Variants in UGT2B10 observed in about 807,000 individuals in gnomAD.
The protein encoded by UGT2B10 is UDP-glucuronosyltransferase 2B10.
In UGT2B10, 51 loss-of-function variants were observed where a neutral mutation model predicts 43.7. The observed-to-expected ratio is 1.17, with a 90% CI of 0.93 to 1.47. UGT2B10 has a LOEUF of 1.47. Ranked by LOEUF, UGT2B10 falls within the 40% of genes most tolerant of loss-of-function variation. UGT2B10 has a pLI of 0.00. For missense variants in UGT2B10, 696 were observed against 617.7 expected, an observed-to-expected ratio of 1.13 and a Z score of -1.34; for synonymous variants, 225 against 209.0, an observed-to-expected ratio of 1.08 and a Z score of -0.66.
At chr4:68,824,322 T>G (rs1383581909) in intron 3 of UGT2B10, among the ~76,000 whole-genome samples, 1 of 152,100 alleles carries the variant, frequency 6.6e-6, no homozygotes, top group Non-Finnish European at 1.5e-5. Context: ...AAGGAAAAGG[T>G]GCAGATGGAT....
Position 68,818,025 on chromosome 4 carries a change from T to A in UGT2B10, c.719-4T>A, listed in dbSNP as rs766019403. The A allele has an allele frequency of 1.9e-6, 3 of 1,603,214 alleles. No homozygotes were observed. The East Asian group carries it at 6.7e-5, about 36-fold the overall frequency. On this transcript the variant is annotated splice_region_variant and splice_polypyrimidine_tract_variant and intron_variant, in intron 1 of 5. Coordinates refer to ENST00000265403, the MANE Select transcript of UGT2B10 (RefSeq NM_001075.6). ...CCACTTCTTCTTTTCTTTATTCCTA[T>A]CAGGAAGACCCACTACATTATCTGA... is the stretch of plus-strand genomic sequence containing the variant.
intron 2 of UGT2B10, among the ~76,000 whole-genome samples, chr4:68,820,377 T>C (rs1737433474): frequency 6.6e-6 from 1 of 152,120 alleles, no homozygotes; most frequent in Admixed American, 6.6e-5. Flanking sequence ...TGACAAAATG[T>C]ATCAGGTGTT....
intron 1 of UGT2B10, among the ~76,000 whole-genome samples, chr4:68,817,155 A>G (rs887386862): frequency 6.6e-6 from 1 of 151,782 alleles, no homozygotes; most frequent in Admixed American, 6.6e-5. Flanking sequence ...TCTAAATCTC[A>G]GTTGTCTTAT....
At chr4:68,826,727 C>T (rs1398165118) in intron 4 of UGT2B10, among the ~76,000 whole-genome samples, 1 of 152,110 alleles carries the variant, frequency 6.6e-6, no homozygotes, top group Non-Finnish European at 1.5e-5. Flanking sequence ...ATTTCAGGTG[C>T]TATTATATCT....
chr4:68,817,484 T>C (rs1298038371), intron 1 of UGT2B10, among the ~76,000 whole-genome samples: 1 of 151,784 alleles, frequency 6.6e-6, no homozygotes, highest in African/African-American at 2.4e-5. Flanking sequence ...ATATTTTTAC[T>C]TAATATTATT....
intron 2 of UGT2B10, 62 bp downstream of exon 2, chr4:68,818,239 A>G: frequency 1.3e-6 from 2 of 1,588,884 alleles, no homozygotes; most frequent in Non-Finnish European, 1.7e-6. Flanking sequence ...ATGACTGTAT[A>G]GTCTTCATTC....
chr4:68,824,717 A>G (rs1356280579), intron 3 of UGT2B10, among the ~76,000 whole-genome samples: 1 of 152,200 alleles, frequency 6.6e-6, no homozygotes, highest in East Asian at 1.9e-4. Flanking sequence ...TTTCAAAATT[A>G]GTAACAACAT....
At position 68,830,976 on chromosome 4, in the gene UGT2B10, T is replaced by C. The variant is rs1377003586; in HGVS notation, c.*97T>C. 8.1e-6 allele frequency: 12 copies of C among 1,475,978 alleles called. No homozygotes were observed. Among genetic ancestry groups the C allele is most frequent in the African/African-American group, 4.3e-5 (3 of 70,430 alleles). The allele number at this position is 1,475,978 out of a possible 1,614,324, so 91.4% of individuals were successfully genotyped here. ...GTGATGCAAGATTTCTTTCTTCCTG[T>C]GACAAAAAAAAATCCTTTCGAAGTC... On this transcript the variant is annotated 3_prime_UTR_variant, in exon 6 of 6. Coordinates refer to ENST00000265403, the MANE Select transcript of UGT2B10 (RefSeq NM_001075.6).
In UGT2B10 at chr4:68,816,642, A is replaced by T; in HGVS notation, c.623A>T (p.Glu208Val). ...SKLSDQMTFM[E>V]RVKNMLYVLY... is the part of the protein sequence containing the mutation. The stretch of plus-strand genomic sequence containing the variant: ...TTAAGTGATCAAATGACTTTCATGG[A>T]GAGGGTAAAAAATATGCTCTATGTG... Residue 208 changes from glutamate (E) to valine (V), a missense_variant, in exon 1 of 6, where the codon GAG becomes GTG. Coordinates refer to ENST00000265403, the MANE Select transcript of UGT2B10 (RefSeq NM_001075.6). 6.2e-7 allele frequency: 1 copy of T among 1,612,816 alleles called. No individual in the cohort carries two copies. The highest frequency in any genetic ancestry group is 2.2e-5 in the East Asian group (1 of 44,780).
rs532079367 is a variant in UGT2B10, at chr4:68,818,829, C to T, written c.867+652C>T. 5.3e-5 allele frequency among the ~76,000 whole-genome samples: 8 copies of T among 151,626 alleles called. No homozygotes were observed. The South Asian group carries it at 6.2e-4, about 12-fold the overall frequency. Reference sequence around the variant, plus strand: ...CAGGGAATGATTAAGAATCAGATGACCCTAAAAGGTAAATTAGAGCCAGAT... The same window carrying T: ...CAGGGAATGATTAAGAATCAGATGATCCTAAAAGGTAAATTAGAGCCAGAT... On this transcript the variant is annotated intron_variant, in intron 2 of 5. Coordinates refer to ENST00000265403, the MANE Select transcript of UGT2B10 (RefSeq NM_001075.6).
intron 2 of UGT2B10, 100 bp downstream of exon 2, chr4:68,818,277 T>C: frequency 1.3e-6 from 2 of 1,555,390 alleles, no homozygotes; most frequent in Non-Finnish European, 1.7e-6. Context: ...CTGAAAAAGA[T>C]GGGAAGTAGG....
Position 68,819,620 on chromosome 4 carries a change from TATGAC to T in UGT2B10, c.867+1445_867+1449del, listed in dbSNP as rs1364114375. Among the ~76,000 whole-genome samples the T allele has an allele frequency of 2.0e-5, 3 of 151,980 alleles. No homozygotes were observed. The East Asian group carries it at 5.8e-4, about 29-fold the overall frequency. On this transcript the variant is annotated intron_variant, in intron 2 of 5. Transcript: ENST00000265403. ...CTATTAGAGCAGATGATTTCTGCCT[TATGAC>T]AGGCCACTCAATAAAGCTTCCTGGG...
chr4:68,819,195 G>A (rs1560415033), intron 2 of UGT2B10, among the ~76,000 whole-genome samples: 1 of 151,878 alleles, frequency 6.6e-6, no homozygotes, highest in Non-Finnish European at 1.5e-5. Flanking sequence ...ACTCAGAAAT[G>A]TTATTAATTT....
chr4:68,825,265 A>G (rs1188477928), intron 3 of UGT2B10, among the ~76,000 whole-genome samples: 6 of 151,628 alleles, frequency 4.0e-5, no homozygotes, highest in Non-Finnish European at 7.4e-5. Flanking sequence ...TTATACCAGA[A>G]TTACAATGAC....
intron 2 of UGT2B10, among the ~76,000 whole-genome samples, chr4:68,819,650 G>A (rs1201619432): frequency 6.6e-6 from 1 of 151,830 alleles, no homozygotes; most frequent in African/African-American, 2.4e-5. Flanking sequence ...AGCTTCCTGG[G>A]GGAACTCGTC....
intron 5 of UGT2B10, among the ~76,000 whole-genome samples, chr4:68,830,303 A>T (rs1219384857): frequency 1.3e-5 from 2 of 151,998 alleles, no homozygotes; most frequent in Non-Finnish European, 2.9e-5. Flanking sequence ...GGACCCACAA[A>T]AACTTAAAAT....
chr4:68,826,642 A>G, intron 4 of UGT2B10, 145 bp downstream of exon 4: 1 of 1,040,734 alleles, frequency 9.6e-7, no homozygotes, highest in Non-Finnish European at 1.3e-6. Flanking sequence ...CCTAGGGGAA[A>G]AGAATATGTT....
intron 3 of UGT2B10, among the ~76,000 whole-genome samples, chr4:68,825,053 G>A (rs1256234546): frequency 6.6e-6 from 1 of 151,930 alleles, no homozygotes; most frequent in Non-Finnish European, 1.5e-5. Context: ...TCTTGTAGTA[G>A]CTTATTTTAT....
At chr4:68,817,381 A>C (rs1289541854) in intron 1 of UGT2B10, among the ~76,000 whole-genome samples, 1 of 151,834 alleles carries the variant, frequency 6.6e-6, no homozygotes, top group Non-Finnish European at 1.5e-5. Flanking sequence ...ATTTGAAACT[A>C]TGTCTCTTTA....
Sources: allele counts gnomAD v4.1 joint callset (sites outside exome capture counted in the v4.1 genomes callset), GRCh38; gene constraint gnomAD v4.1.1; transcripts MANE v1.5; gene names NCBI Gene and HGNC (gene_info 2026-07-23, HGNC 2026-07-21).